The following FAM20C variants were observed in gnomAD, a reference collection of about 807,000 sequenced individuals.
The protein encoded by FAM20C is extracellular serine/threonine protein kinase FAM20C.
Under a neutral mutation model 51.5 loss-of-function variants are expected in FAM20C, and 40 were observed. The ratio of observed to expected loss-of-function variants is 0.78; its 90% CI spans 0.60 to 1.01. The LOEUF is 1.01. Among genes scored for constraint, FAM20C ranks in the 50% least tolerant of loss-of-function variants. The pLI is 0.00. For synonymous variants in FAM20C, 406 were observed against 380.6 expected (o/e 1.07, Z -0.78); for missense variants, 861 against 844.7 (o/e 1.02, Z -0.24).
At chr7:241,940 TGC>T (rs1188159316) in intron 3 of FAM20C, among the ~76,000 whole-genome samples, 3 of 152,280 alleles carry the variant, frequency 2.0e-5, no homozygotes, top group Admixed American at 1.3e-4. Flanking sequence ...TCTGTGTGTG[TGC>T]GTGCGTATGC....
intron 3 of FAM20C, among the ~76,000 whole-genome samples, chr7:235,749 G>A (rs1583321962): frequency 6.6e-6 from 1 of 152,210 alleles, no homozygotes; most frequent in Admixed American, 6.5e-5. Context: ...TGGAGGGTCA[G>A]TGGTGGACGG....
intron 3 of FAM20C, among the ~76,000 whole-genome samples, chr7:213,065 C>T (rs926706034): frequency 9.2e-5 from 14 of 151,460 alleles, no homozygotes; most frequent in Non-Finnish European, 1.8e-4. Context: ...GAATCACGCA[C>T]TGCGTAGTCC....
At chr7:243,828 A>G (rs1380505090) in intron 3 of FAM20C, among the ~76,000 whole-genome samples, 1 of 152,024 alleles carries the variant, frequency 6.6e-6, no homozygotes, top group Non-Finnish European at 1.5e-5. Flanking sequence ...TAGCGGCTTT[A>G]TCAGGCACCC....
At chr7:226,434 A>G (rs1787448735) in intron 3 of FAM20C, among the ~76,000 whole-genome samples, 1 of 152,154 alleles carries the variant, frequency 6.6e-6, no homozygotes, top group Non-Finnish European at 1.5e-5. Flanking sequence ...CACCCTCACA[A>G]GAGTCCCAGC....
intron 2 of FAM20C, among the ~76,000 whole-genome samples, chr7:206,547 CCACTGTGACGCGTCGG>C (rs1562368095): frequency 1.3e-3 from 68 of 50,996 alleles, no homozygotes; most frequent in Non-Finnish European, 2.3e-3. Flanking sequence ...GCACACGTGT[CCACTGTGACGCGTCGG>C]TCACTGTCCC....
At chr7:214,695 G>A (rs948771424) in intron 3 of FAM20C, among the ~76,000 whole-genome samples, 1 of 152,170 alleles carries the variant, frequency 6.6e-6, no homozygotes, top group Admixed American at 6.5e-5. Context: ...CGCTTGCAGG[G>A]CTGAACCCTT....
intron 3 of FAM20C, among the ~76,000 whole-genome samples, chr7:212,141 A>G (rs1260123273): frequency 6.6e-6 from 1 of 152,244 alleles, no homozygotes; most frequent in African/African-American, 2.4e-5. Context: ...TGACCATAGC[A>G]TTAATGAGTT....
chr7:219,881 C>T (rs1787173674), intron 3 of FAM20C, among the ~76,000 whole-genome samples: 1 of 152,244 alleles, frequency 6.6e-6, no homozygotes, highest in South Asian at 2.1e-4. Context: ...TTTCTCTCCA[C>T]TGTGGCCTCA....
At chr7:247,753 A>G (rs36169749) in intron 4 of FAM20C, among the ~76,000 whole-genome samples, 85,660 of 152,086 alleles carry the variant, frequency 0.56, 25,245 homozygotes, top group African/African-American at 0.75. Context: ...CACAGAGCCC[A>G]GCACCCAGGC....
chr7:250,246 G>A (rs926585999), intron 5 of FAM20C, among the ~76,000 whole-genome samples: 2 of 151,996 alleles, frequency 1.3e-5, no homozygotes, highest in Non-Finnish European at 2.9e-5. Context: ...GTCAGAACCC[G>A]GCCCCCGAAT....
chr7:242,779 G>A (rs993921474), intron 3 of FAM20C, among the ~76,000 whole-genome samples: 2 of 152,200 alleles, frequency 1.3e-5, no homozygotes, highest in African/African-American at 4.8e-5. Flanking sequence ...AGCGCAGAAG[G>A]TCACGTCCAT....
intron 3 of FAM20C, among the ~76,000 whole-genome samples, chr7:223,409 G>C (rs550247694): frequency 1.3e-5 from 2 of 152,332 alleles, no homozygotes; most frequent in East Asian, 1.9e-4. Flanking sequence ...TGATCACAGA[G>C]CCTGCCGGGG....
At chr7:241,053 C>T (rs888512695) in intron 3 of FAM20C, among the ~76,000 whole-genome samples, 3 of 148,530 alleles carry the variant, frequency 2.0e-5, no homozygotes, top group South Asian at 2.1e-4. Context: ...CAAGTGGGGC[C>T]GGGGCTTACG....
At chr7:207,622 T>C (rs1482811054) in intron 2 of FAM20C, among the ~76,000 whole-genome samples, 1 of 152,238 alleles carries the variant, frequency 6.6e-6, no homozygotes, top group South Asian at 2.1e-4. Flanking sequence ...TTTACGTCTG[T>C]GCCGGCAGGG....
intron 2 of FAM20C, among the ~76,000 whole-genome samples, chr7:201,905 A>C (rs1211944288): frequency 6.6e-6 from 1 of 152,260 alleles, no homozygotes. Context: ...CTGTTCGTGC[A>C]TGTTAACTTG....
At chr7:231,602 G>A (rs74915669) in intron 3 of FAM20C, among the ~76,000 whole-genome samples, 11,312 of 151,968 alleles carry the variant, frequency 0.074, 1,221 homozygotes, top group African/African-American at 0.23. Context: ...CCTGGGGATG[G>A]TGTTCTTGGT....
intron 2 of FAM20C, among the ~76,000 whole-genome samples, chr7:196,780 C>T (rs4916971): frequency 0.6 from 91,351 of 151,994 alleles, 27,697 homozygotes; most frequent in East Asian, 0.74. Context: ...GCTCTCTCTG[C>T]CGGGTGCTGA....
chr7:254,412 C>G (rs1444317208), intron 5 of FAM20C, among the ~76,000 whole-genome samples: 1 of 152,220 alleles, frequency 6.6e-6, no homozygotes, highest in Non-Finnish European at 1.5e-5. Context: ...CACGTTCTCA[C>G]CAGTTCTACA....
intron 3 of FAM20C, among the ~76,000 whole-genome samples, chr7:240,701 G>A (rs1381058647): frequency 1.3e-5 from 2 of 152,192 alleles, no homozygotes; most frequent in African/African-American, 4.8e-5. Context: ...GGCCAGGCAT[G>A]TGATCCAGAA....
Sources: allele counts gnomAD v4.1 joint callset (sites outside exome capture counted in the v4.1 genomes callset), GRCh38; gene constraint gnomAD v4.1.1; transcripts MANE v1.5; gene names NCBI Gene and HGNC (gene_info 2026-07-23, HGNC 2026-07-21).